Variants in NFAT5 observed in about 807,000 individuals in gnomAD.
The protein encoded by NFAT5 is nuclear factor of activated T cells 5, also known as nuclear factor of activated T-cells 5.
NFAT5 carries 31 observed loss-of-function variants against 166.5 expected under a neutral mutation model. That is an observed-to-expected ratio of 0.19 (90% CI 0.14 to 0.25). The LOEUF is 0.25. NFAT5 is among the 10% of genes least tolerant of loss of function. The pLI is 1.00. For synonymous variants in NFAT5, 612 were observed against 639.7 expected, an observed-to-expected ratio of 0.96 and a Z score of 0.65; for missense variants, 1,449 against 1,821.8, an observed-to-expected ratio of 0.80 and a Z score of 3.72.
At chr16:69,633,120 A>G (rs1266366157) in intron 3 of NFAT5, among the ~76,000 whole-genome samples, 1 of 152,200 alleles carries the variant, frequency 6.6e-6, no homozygotes, top group Non-Finnish European at 1.5e-5. Context: ...TGACATTGCC[A>G]AAAAGCAAAC....
intron 2 of NFAT5, among the ~76,000 whole-genome samples, chr16:69,569,689 A>G (rs1462058345): frequency 1.3e-5 from 2 of 152,228 alleles, no homozygotes; most frequent in Non-Finnish European, 2.9e-5. Context: ...TAAATTGCCT[A>G]GCATAGCGTC....
At position 69,566,270 on chromosome 16, in the gene NFAT5, G is replaced by C. The variant is rs2016026847; in HGVS notation, c.-32G>C. 1 of 1,584,256 alleles carries C rather than the reference G, an allele frequency of 6.3e-7. No individual in the cohort carries two copies. The highest frequency in any genetic ancestry group is 8.6e-7 in the Non-Finnish European group (1 of 1,167,396). On this transcript the variant is annotated 5_prime_UTR_variant, in exon 1 of 15. Coordinates refer to ENST00000349945, the MANE Select transcript of NFAT5 (RefSeq NM_138713.4). This position sits in a 1 kb window ranked among gnomAD's most constrained non-coding sequence, Gnocchi z 5.7. ...CCGCCACCGCCGCTCCCCCCCTCCC[G>C]CTGCCCTCGGGCCGGGCTGGGTCGA...
intron 7 of NFAT5, among the ~76,000 whole-genome samples, chr16:69,661,373 CA>C (rs2036127912): frequency 7.4e-6 from 1 of 134,912 alleles, no homozygotes; most frequent in Admixed American, 7.5e-5. Context: ...CCTGTCTTTA[CA>C]AAAATTAAAA....
chr16:69,583,415 C>T lies in NFAT5; in HGVS notation c.127+14867C>T, dbSNP rs1403330483. Reference sequence around the variant, plus strand: ...AAAAATTGTAGGGATGGATTCTTCTCTGTTGCCCAGGCTGATCTTGAACTC... The same window carrying T: ...AAAAATTGTAGGGATGGATTCTTCTTTGTTGCCCAGGCTGATCTTGAACTC... On this transcript the variant is annotated intron_variant, in intron 2 of 14. Coordinates refer to ENST00000349945, the MANE Select transcript of NFAT5 (RefSeq NM_138713.4). Among the ~76,000 whole-genome samples the T allele has an allele frequency of 3.3e-5, 5 of 152,086 alleles. No individual in the cohort carries two copies. In the East Asian group the frequency reaches 7.7e-4, roughly 23 times the overall value.
At chr16:69,666,764 C>T (rs1270243331) in intron 7 of NFAT5, among the ~76,000 whole-genome samples, 1 of 151,630 alleles carries the variant, frequency 6.6e-6, no homozygotes, top group Non-Finnish European at 1.5e-5. Context: ...GTCAGTGTGG[C>T]GATTCCTCAG....
At chr16:69,568,628 T>C (rs1597325281) in intron 2 of NFAT5, 80 bp downstream of exon 2, 1 of 1,187,120 alleles carries the variant, frequency 8.4e-7, no homozygotes, top group South Asian at 1.4e-5. Context: ...TGGGAAAGTA[T>C]GAAACTTTGC....
At chr16:69,638,692 C>T (rs1378041968) in intron 3 of NFAT5, among the ~76,000 whole-genome samples, 1 of 143,846 alleles carries the variant, frequency 7.0e-6, no homozygotes, top group African/African-American at 2.6e-5. Flanking sequence ...GCTGAGATTG[C>T]ACCACTGCAC....
At chr16:69,601,253 A>T (rs1431163395) in intron 2 of NFAT5, among the ~76,000 whole-genome samples, 1 of 152,186 alleles carries the variant, frequency 6.6e-6, no homozygotes, top group Non-Finnish European at 1.5e-5. Context: ...ATATGTATAC[A>T]TATCTACTTA....
chr16:69,652,107 A>G lies in NFAT5; in HGVS notation c.813-1129A>G, dbSNP rs532393410. Among the ~76,000 whole-genome samples, 5 of 152,316 alleles carry G rather than the reference A, an allele frequency of 3.3e-5. No homozygotes were observed. In the South Asian group the frequency reaches 8.3e-4, roughly 25 times the overall value. On this transcript the variant is annotated intron_variant, in intron 4 of 14. Transcript: ENST00000349945. ...TTTGGGATACTGTTTTTCTTTGAAC[A>G]TGCATTCCACATAGCAAATGCATTA...
At chr16:69,596,589 G>A (rs55751101) in intron 2 of NFAT5, among the ~76,000 whole-genome samples, 36,082 of 151,674 alleles carry the variant, frequency 0.24, 4,612 homozygotes, top group East Asian at 0.45. Context: ...GTGGTGGCAC[G>A]TGCCTGTAAT....
intron 2 of NFAT5, among the ~76,000 whole-genome samples, chr16:69,571,815 A>T (rs2016456380): frequency 6.6e-6 from 1 of 151,914 alleles, no homozygotes. Flanking sequence ...GTTGGAGTGC[A>T]GTGGCACGAT....
chr16:69,663,298 G>A (rs185863815), intron 7 of NFAT5, among the ~76,000 whole-genome samples: 1,656 of 152,122 alleles, frequency 0.011, 11 homozygotes, highest in Non-Finnish European at 0.015. Flanking sequence ...TGGATCCTTT[G>A]TCTTTTTGTT....
chr16:69,584,940 A>G (rs1469243814), intron 2 of NFAT5, among the ~76,000 whole-genome samples: 1 of 152,104 alleles, frequency 6.6e-6, no homozygotes, highest in Non-Finnish European at 1.5e-5. Flanking sequence ...ACAAATATAA[A>G]TGTATTGGAA....
rs374576861 is a variant in NFAT5, at chr16:69,623,947, C to G, written c.128-2456C>G. Reference sequence around the variant, plus strand: ...TATGTGATGGAAAAAAACAGGGTCTCACCATGTTGGCCAGGCTAGTCTCGA... The same window carrying G: ...TATGTGATGGAAAAAAACAGGGTCTGACCATGTTGGCCAGGCTAGTCTCGA... On this transcript the variant is annotated intron_variant, in intron 2 of 14. Coordinates refer to ENST00000349945, the MANE Select transcript of NFAT5 (RefSeq NM_138713.4). 2.2e-4 allele frequency among the ~76,000 whole-genome samples: 34 copies of G among 151,388 alleles called. 3 individuals carry two copies. The highest frequency in any genetic ancestry group is 1.8e-3 in the Admixed American group (28 of 15,212).
chr16:69,601,193 G>A (rs1482169331), intron 2 of NFAT5, among the ~76,000 whole-genome samples: 1 of 151,958 alleles, frequency 6.6e-6, no homozygotes, highest in Non-Finnish European at 1.5e-5. Flanking sequence ...GCCATATCTA[G>A]ATATGACCAC....
chr16:69,583,489 A>G (rs1202300569), intron 2 of NFAT5, among the ~76,000 whole-genome samples: 2 of 152,214 alleles, frequency 1.3e-5, no homozygotes, highest in Non-Finnish European at 2.9e-5. Flanking sequence ...TGCTGGGAAT[A>G]CAGGTATGAG....
In NFAT5 at chr16:69,683,120, A is replaced by G. The variant is rs551544879; in HGVS notation, c.1691-1767A>G. 2.6e-5 allele frequency among the ~76,000 whole-genome samples: 4 copies of G among 152,294 alleles called. No individual in the cohort carries two copies. The South Asian group carries it at 8.3e-4, about 32-fold the overall frequency. The stretch of plus-strand genomic sequence containing the variant: ...CAGCTACTGGGGAGGCTAAGGCAGG[A>G]GAATCGCTTGAACCCAGGAGGCGGA... On this transcript the variant is annotated intron_variant, in intron 10 of 14. Transcript: ENST00000349945.
At chr16:69,654,544 A>G (rs1003085521) in intron 5 of NFAT5, among the ~76,000 whole-genome samples, 2 of 152,142 alleles carry the variant, frequency 1.3e-5, no homozygotes, top group African/African-American at 4.8e-5. Flanking sequence ...GTCTAGCTAG[A>G]TATTTTGGTA....
At chr16:69,611,529 A>G (rs2033702409) in intron 2 of NFAT5, among the ~76,000 whole-genome samples, 2 of 152,248 alleles carry the variant, frequency 1.3e-5, no homozygotes, top group South Asian at 2.1e-4. Context: ...TATAAACAAT[A>G]GAAATGTATT....
Sources: gnomAD v4.1 joint callset for allele counts (sites outside exome capture counted in the v4.1 genomes callset) on GRCh38, gnomAD v4.1.1 for gene constraint, Gnocchi (gnomAD v3.1) non-coding constraint, MANE v1.5 for transcripts, NCBI Gene and HGNC (gene_info 2026-07-23, HGNC 2026-07-21) for gene names.